The following FHIP2A variants were observed in gnomAD, a reference collection of about 807,000 sequenced individuals.
FHIP2A encodes the protein family with sequence similarity 160 member B1.
In FHIP2A, 46 loss-of-function variants were observed where a neutral mutation model predicts 93.5. That is an observed-to-expected ratio of 0.49 (90% CI 0.39 to 0.63). The LOEUF is 0.63. Ranked by LOEUF, FHIP2A falls within the 20% of genes least tolerant of loss-of-function variation. The pLI is 0.00. For synonymous variants in FHIP2A, 332 were observed against 326.5 expected, an observed-to-expected ratio of 1.02 and a Z score of -0.18; for missense variants, 769 against 909.7, an observed-to-expected ratio of 0.85 and a Z score of 1.99.
At chr10:114,842,867 T>C (rs1418727793) in intron 5 of FHIP2A, 66 bp from the exon 6 acceptor site, 4 of 1,102,922 alleles carry the variant, frequency 3.6e-6, no homozygotes, top group Non-Finnish European at 5.2e-6. Flanking sequence ...AAAAATCCAT[T>C]AAAATATTAT....
rs2143012581 is a variant in FHIP2A, at chr10:114,855,252, C to T, written c.1859C>T (p.Ala620Val). Residue 620 changes from alanine (A) to valine (V), a missense_variant, in exon 14 of 17, where the codon GCA (alanine) becomes GTA (valine). By Grantham distance (64) the Ala-to-Val change is moderately conservative. Coordinates refer to ENST00000369248, the MANE Select transcript of FHIP2A (RefSeq NM_020940.4). ...LRWEWPGSPK[A>V]LEKCNLEAAF... ...TGGGAGTGGCCTGGGTCTCCAAAAG[C>T]ATTGGAAAAGTGCAATTTAGAAGCT... The T allele has an allele frequency of 6.2e-7, 1 of 1,613,956 alleles. No homozygotes were observed. The highest frequency in any genetic ancestry group is 8.5e-7 in the Non-Finnish European group (1 of 1,179,900).
chr10:114,893,696 T>C (rs1218234551), intron 16 of FHIP2A, among the ~76,000 whole-genome samples: 1 of 152,142 alleles, frequency 6.6e-6, no homozygotes, highest in Non-Finnish European at 1.5e-5. Flanking sequence ...TGTGTGTGTG[T>C]GTGTCCGTCC....
intron 16 of FHIP2A, among the ~76,000 whole-genome samples, chr10:114,875,238 G>A (rs773489463): frequency 5.9e-5 from 9 of 152,190 alleles, no homozygotes; most frequent in East Asian, 1.9e-4. Flanking sequence ...GACTGCAGAC[G>A]GGTCTGATTT....
chr10:114,832,565 A>C (rs1247428058), intron 2 of FHIP2A, among the ~76,000 whole-genome samples: 2 of 152,122 alleles, frequency 1.3e-5, no homozygotes, highest in African/African-American at 4.8e-5. Flanking sequence ...TAAGTGAAAA[A>C]AAAATATTTT....
At chr10:114,852,191 A>G (rs888784439) in intron 13 of FHIP2A, among the ~76,000 whole-genome samples, 9 of 151,010 alleles carry the variant, frequency 6.0e-5, no homozygotes, top group African/African-American at 2.0e-4. Flanking sequence ...TCTGTCCACC[A>G]TATTATGATG....
chr10:114,843,019 T>C lies in FHIP2A; in HGVS notation c.609T>C (p.Asp203=), dbSNP rs770622719. 86 of 1,613,766 alleles carry C rather than the reference T, an allele frequency of 5.3e-5. 1 individual carries two copies. In the Admixed American group the frequency reaches 1.3e-3, roughly 25 times the overall value. ...TLKGQDSLST[D]TGQSRQPEEL... ...AAGGTCAGGATTCCTTGTCAACAGA[T>C]ACAGGACAGTCCCGTCAACCAGAGG... The change falls in exon 6 of 17, where the codon GAT becomes GAC. Residue 203 remains aspartate (D), a synonymous_variant. Coordinates refer to ENST00000369248, the MANE Select transcript of FHIP2A (RefSeq NM_020940.4).
In FHIP2A at chr10:114,849,378, T is replaced by C. The variant is rs550857987; in HGVS notation, c.1803+641T>C. Reference sequence around the variant, plus strand: ...TCCTCATACACAAGCCATTATCCTTTTCTCCTTCATTCTGATGCAGACAGT... The same window carrying C: ...TCCTCATACACAAGCCATTATCCTTCTCTCCTTCATTCTGATGCAGACAGT... On this transcript the variant is annotated intron_variant, in intron 13 of 16. Transcript: ENST00000369248. Among the ~76,000 whole-genome samples the C allele has an allele frequency of 2.6e-5, 4 of 152,240 alleles. No homozygotes were observed. In the South Asian group the frequency reaches 6.2e-4, roughly 24 times the overall value.
At chr10:114,891,537 A>ATATGTGTGTG (rs1433286245) in intron 16 of FHIP2A, among the ~76,000 whole-genome samples, 23 of 137,206 alleles carry the variant, frequency 1.7e-4, no homozygotes, top group African/African-American at 6.2e-4. Context: ...ATATATATAT[A>ATATGTGTGTG]TGTGTGTGTG....
In FHIP2A at chr10:114,822,111, C is replaced by A. The variant is rs1592009373; in HGVS notation, c.33C>A (p.His11Gln). MFSKFTSILQ[H>Q]AVEALAPSLP... ...CCAAGTTCACCTCCATCCTGCAGCACGCCGTGGAGGCGGTAAGGCCGCGGG... is the reference window on the plus strand; with the variant it reads ...CCAAGTTCACCTCCATCCTGCAGCAAGCCGTGGAGGCGGTAAGGCCGCGGG... The change falls in exon 1 of 17, where the codon CAC (histidine) becomes CAA (glutamine). Residue 11 changes from histidine to glutamine, a missense_variant. Physicochemically the swap from His to Gln is conservative, Grantham distance 24 (BLOSUM62 0). Transcript: ENST00000369248. The A allele has an allele frequency of 1.5e-6, 2 of 1,340,516 alleles. No homozygotes were observed. Among genetic ancestry groups the A allele is most frequent in the Non-Finnish European group, 2.0e-6 (2 of 1,023,814 alleles). 83.0% of individuals were successfully genotyped at this position (1,340,516 alleles called of 1,614,324 possible).
chr10:114,873,481 G>C (rs1346780677), intron 16 of FHIP2A, among the ~76,000 whole-genome samples: 1 of 152,242 alleles, frequency 6.6e-6, no homozygotes, highest in African/African-American at 2.4e-5. Flanking sequence ...TTCTCGGGAA[G>C]CAAAGTCACC....
At chr10:114,823,628 G>A (rs1019051213) in intron 1 of FHIP2A, among the ~76,000 whole-genome samples, 1 of 151,136 alleles carries the variant, frequency 6.6e-6, no homozygotes, top group Non-Finnish European at 1.5e-5. Context: ...CCTAGTAGCT[G>A]GGATTACAGG....
intron 16 of FHIP2A, among the ~76,000 whole-genome samples, chr10:114,889,599 T>C (rs1386655720): frequency 1.3e-5 from 2 of 152,226 alleles, no homozygotes; most frequent in Non-Finnish European, 2.9e-5. Context: ...TTAAGCCACC[T>C]TACCTCTATT....
intron 16 of FHIP2A, among the ~76,000 whole-genome samples, chr10:114,873,676 AT>A (rs2083870075): frequency 6.6e-6 from 1 of 152,226 alleles, no homozygotes; most frequent in Non-Finnish European, 1.5e-5. Context: ...TTATAATCTA[AT>A]ACTATTTCAT....
At chr10:114,838,112 A>G (rs1004311034) in intron 5 of FHIP2A, among the ~76,000 whole-genome samples, 2 of 152,118 alleles carry the variant, frequency 1.3e-5, no homozygotes, top group Non-Finnish European at 2.9e-5. Context: ...TGGCTTTGTC[A>G]TTTTGCATCC....
At chr10:114,871,138 T>TAC (rs1424735848) in intron 16 of FHIP2A, among the ~76,000 whole-genome samples, 1 of 149,460 alleles carries the variant, frequency 6.7e-6, no homozygotes, top group Non-Finnish European at 1.5e-5. Context: ...TATATATATA[T>TAC]ACACACATAT....
At position 114,862,076 on chromosome 10, in the gene FHIP2A, G is replaced by A. The variant is rs945584057; in HGVS notation, c.*536G>A. On this transcript the variant is annotated 3_prime_UTR_variant, in exon 17 of 17. Coordinates refer to ENST00000369248, the MANE Select transcript of FHIP2A (RefSeq NM_020940.4). The stretch of plus-strand genomic sequence containing the variant: ...ACCATTGAATGAATTAATTATAGGC[G>A]ATAAAAATGTGTAGAGCACCATTAA... 1.7e-5 allele frequency: 16 copies of A among 958,684 alleles called. No individual in the cohort carries two copies. Among genetic ancestry groups the A allele is most frequent in the African/African-American group, 3.5e-5 (2 of 56,644 alleles). 59.4% of individuals were successfully genotyped at this position (958,684 alleles called of 1,614,324 possible). A position where few individuals can be genotyped will look rare whatever the true frequency, so the allele number is the denominator to read the frequency against.
downstream of FHIP2A, among the ~76,000 whole-genome samples, chr10:114,866,017 A>G (rs7895830): frequency 0.53 from 80,735 of 151,600 alleles, 21,870 homozygotes; most frequent in African/African-American, 0.63. Flanking sequence ...GGATGTGCAG[A>G]TTTGTTATAT....
chr10:114,827,589 A>G (rs2083583947), intron 1 of FHIP2A, among the ~76,000 whole-genome samples: 1 of 152,198 alleles, frequency 6.6e-6, no homozygotes, highest in South Asian at 2.1e-4. Flanking sequence ...TGAGGTCAGG[A>G]GATCGAGACC....
intron 14 of FHIP2A, among the ~76,000 whole-genome samples, chr10:114,856,843 A>G (rs2083769873): frequency 6.6e-6 from 1 of 152,218 alleles, no homozygotes; most frequent in Non-Finnish European, 1.5e-5. Context: ...CATAGGCAAG[A>G]GAGATTTCTA....
Sources: allele counts gnomAD v4.1 joint callset (sites outside exome capture counted in the v4.1 genomes callset), GRCh38; gene constraint gnomAD v4.1.1; transcripts MANE v1.5; gene names NCBI Gene and HGNC (gene_info 2026-07-23, HGNC 2026-07-21).